The following F13A1 variants were observed in gnomAD, a reference collection of about 807,000 sequenced individuals.
F13A1 encodes FSF, A subunit.
F13A1 carries 47 observed loss-of-function variants against 80.1 expected under a neutral mutation model. That is an observed-to-expected ratio of 0.59 (90% CI 0.46 to 0.75). The LOEUF (loss-of-function observed/expected upper bound fraction) is 0.75. Among genes scored for constraint, F13A1 ranks in the 30% least tolerant of loss-of-function variants. The pLI is 0.00. For synonymous variants in F13A1, 349 were observed against 344.9 expected (o/e 1.01, Z -0.13); for missense variants, 817 against 930.4 (o/e 0.88, Z 1.59).
At chr6:6,232,677 T>C (rs1757368629) in intron 6 of F13A1, among the ~76,000 whole-genome samples, 1 of 149,206 alleles carries the variant, frequency 6.7e-6, no homozygotes, top group Non-Finnish European at 1.5e-5. Flanking sequence ...CATAAAACTT[T>C]CTCCAAGATA....
chr6:6,195,342 T>C (rs1347951713), intron 10 of F13A1, among the ~76,000 whole-genome samples: 4 of 152,148 alleles, frequency 2.6e-5, no homozygotes, highest in Non-Finnish European at 4.4e-5. Context: ...TGGCAGGACA[T>C]AGATTGCAAA....
chr6:6,176,150 G>C (rs1266215085), intron 11 of F13A1, among the ~76,000 whole-genome samples: 2 of 149,912 alleles, frequency 1.3e-5, no homozygotes, highest in Non-Finnish European at 3.0e-5. Context: ...AACTAGGCTT[G>C]AGAATGGCTA....
At position 6,151,907 on chromosome 6, in the gene F13A1, CT is replaced by C. The variant is rs769934648; in HGVS notation, c.1950del (p.Val651LeufsTer7). On this transcript the variant is annotated frameshift_variant, in exon 14 of 15. Transcript: ENST00000264870. LOFTEE classifies it high-confidence loss of function. ...TCTTTTAAAGGATTGGTAAACTCAA[CT>C]GTCACAGTCATGTCAGAACCAACTA... ...TQVVGSDMTV[T>X]VEFTNPLKET... 1 of 1,614,004 alleles carries C rather than the reference CT, an allele frequency of 6.2e-7. No individual in the cohort carries two copies. Among genetic ancestry groups the C allele is most frequent in the South Asian group, 1.1e-5 (1 of 91,080 alleles).
chr6:6,279,558 A>G (rs748920949), intron 3 of F13A1, among the ~76,000 whole-genome samples: 131 of 152,328 alleles, frequency 8.6e-4, no homozygotes, highest in Non-Finnish European at 2.6e-4. Context: ...TGCACTGAAC[A>G]TGAAGGTCAC....
At chr6:6,186,732 TTAAAG>T (rs1325780294) in intron 10 of F13A1, among the ~76,000 whole-genome samples, 1 of 152,128 alleles carries the variant, frequency 6.6e-6, no homozygotes, top group Non-Finnish European at 1.5e-5. Flanking sequence ...CATATGAACT[TTAAAG>T]TAGTTTTTTC....
chr6:6,271,762 C>T (rs1383252887), intron 3 of F13A1, among the ~76,000 whole-genome samples: 1 of 152,210 alleles, frequency 6.6e-6, no homozygotes, highest in African/African-American at 2.4e-5. Flanking sequence ...GTGCTTGCTT[C>T]CATTTGTGAA....
In F13A1 at chr6:6,312,525, A is replaced by G. The variant is rs1758618856; in HGVS notation, c.130+6010T>C. 3.2e-5 allele frequency among the ~76,000 whole-genome samples: 2 copies of G among 62,626 alleles called. 1 individual carries two copies. Among genetic ancestry groups the G allele is most frequent in the Non-Finnish European group, 5.8e-5 (2 of 34,384 alleles). 41.1% of individuals were successfully genotyped at this position (62,626 alleles called of 152,430 possible). A position where few individuals can be genotyped will look rare whatever the true frequency, so the allele number is the denominator to read the frequency against. ...TCTCTACTAAAAAAAAAAAAAAAGA[A>G]AAGTTAGCTGGTCGTGGTGGCACGT... On this transcript the variant is annotated intron_variant, in intron 2 of 14. Transcript: ENST00000264870.
At chr6:6,186,345 T>C (rs1761079800) in intron 10 of F13A1, among the ~76,000 whole-genome samples, 1 of 152,238 alleles carries the variant, frequency 6.6e-6, no homozygotes, top group Non-Finnish European at 1.5e-5. Flanking sequence ...CTAGGGTTTT[T>C]ATGGTATAAG....
At chr6:6,196,994 C>T (rs548110899) in intron 9 of F13A1, among the ~76,000 whole-genome samples, 8 of 152,250 alleles carry the variant, frequency 5.3e-5, no homozygotes, top group East Asian at 3.9e-4. Flanking sequence ...ATGAATTATA[C>T]GTTGTTTTAT....
intron 12 of F13A1, 114 bp downstream of exon 12, chr6:6,174,466 T>G: frequency 1.7e-6 from 2 of 1,171,738 alleles, no homozygotes; most frequent in Non-Finnish European, 2.6e-6. Flanking sequence ...CTCACACTTC[T>G]GAGATCTTGG....
intron 14 of F13A1, among the ~76,000 whole-genome samples, chr6:6,150,790 T>C (rs1583043371): frequency 6.6e-6 from 1 of 152,106 alleles, no homozygotes; most frequent in Non-Finnish European, 1.5e-5. Context: ...ACCTCAAAGA[T>C]TGGGATCCAT....
At chr6:6,259,121 T>G (rs2113114017) in intron 4 of F13A1, among the ~76,000 whole-genome samples, 1 of 152,362 alleles carries the variant, frequency 6.6e-6, no homozygotes, top group East Asian at 1.9e-4. Context: ...ACTGTCGTAC[T>G]GTGCACAGGT....
At chr6:6,191,172 A>G (rs1761190761) in intron 10 of F13A1, among the ~76,000 whole-genome samples, 1 of 152,124 alleles carries the variant, frequency 6.6e-6, no homozygotes, top group East Asian at 1.9e-4. Context: ...GAAATGCAGA[A>G]ATCACCAGTC....
chr6:6,196,036 G>T (rs1451377652), intron 9 of F13A1, 151 bp from the exon 10 acceptor site: 2 of 795,232 alleles, frequency 2.5e-6, no homozygotes, highest in Non-Finnish European at 4.2e-6. Context: ...AGGCTGAAGA[G>T]AATTCCATTG....
chr6:6,220,525 C>T (rs866845890), intron 8 of F13A1, among the ~76,000 whole-genome samples: 9 of 151,646 alleles, frequency 5.9e-5, no homozygotes, highest in Admixed American at 3.3e-4. Flanking sequence ...CTTTGAACTG[C>T]ACTTAGCTAC....
chr6:6,234,505 T>G (rs1169654005), intron 6 of F13A1, among the ~76,000 whole-genome samples: 1 of 151,870 alleles, frequency 6.6e-6, no homozygotes, highest in Non-Finnish European at 1.5e-5. Flanking sequence ...GTGAGAAAAC[T>G]CTATATAAGT....
At chr6:6,311,928 T>C (rs1426613599) in intron 2 of F13A1, among the ~76,000 whole-genome samples, 5 of 147,238 alleles carry the variant, frequency 3.4e-5, no homozygotes, top group Non-Finnish European at 7.5e-5. Context: ...ACATATATAA[T>C]ATATAGTTTT....
At chr6:6,179,725 G>A (rs1384055998) in intron 11 of F13A1, among the ~76,000 whole-genome samples, 1 of 152,124 alleles carries the variant, frequency 6.6e-6, no homozygotes, top group Non-Finnish European at 1.5e-5. Flanking sequence ...AGGATGAGTC[G>A]TCGCTTACAA....
In F13A1 at chr6:6,222,109, C is replaced by A. The variant is rs1234864708; in HGVS notation, c.1036G>T (p.Asp346Tyr). Residue 346 changes from aspartate to tyrosine, a missense_variant, in exon 8 of 15, where the codon GAT (aspartate) becomes TAT (tyrosine). By Grantham distance (160) the Asp-to-Tyr change is radical. Coordinates refer to ENST00000264870, the MANE Select transcript of F13A1 (RefSeq NM_000129.4). ...VTNYFSAHDN[D>Y]ANLQMDIFLE... ...AAGATGTCCATTTGCAAATTGGCAT[C>A]ATTATCATGGGCAGAGAAATAATTG... 21 of 1,613,954 alleles carry A rather than the reference C, an allele frequency of 1.3e-5. No individual in the cohort carries two copies. The Admixed American group carries it at 3.3e-4, about 26-fold the overall frequency.
Sources: allele counts gnomAD v4.1 joint callset (sites outside exome capture counted in the v4.1 genomes callset), GRCh38; gene constraint gnomAD v4.1.1; transcripts MANE v1.5; gene names NCBI Gene and HGNC (gene_info 2026-07-23, HGNC 2026-07-21).